ADAMTSL1: variants seen among roughly 807,000 people sequenced by gnomAD.
ADAMTSL1 encodes ADAMTS like 1, also known as ADAMTS-like protein 1.
A neutral mutation model predicts 201.8 loss-of-function variants in ADAMTSL1; 126 were observed. The ratio of observed to expected loss-of-function variants is 0.62; its 90% CI spans 0.54 to 0.72. The LOEUF is 0.72. Among genes scored for constraint, ADAMTSL1 ranks in the 30% least tolerant of loss-of-function variants. The pLI is 0.00. For missense variants in ADAMTSL1, 2,679 were observed against 2,277.8 expected, an observed-to-expected ratio of 1.18 and a Z score of -3.59; for synonymous variants, 1,121 against 903.4, an observed-to-expected ratio of 1.24 and a Z score of -4.32.
In ADAMTSL1 at chr9:18,723,152, T is replaced by C. The variant is rs1817650422; in HGVS notation, c.2006+1487T>C. The C allele has an allele frequency of 4.1e-6, 3 of 728,620 alleles. No homozygotes were observed. The South Asian group carries it at 4.4e-5, about 11-fold the overall frequency. The allele number at this position is 728,620 out of a possible 1,614,324, so 45.1% of individuals were successfully genotyped here. A position where few individuals can be genotyped will look rare whatever the true frequency, so the allele number is the denominator to read the frequency against. On this transcript the variant is annotated intron_variant, in intron 15 of 28. Coordinates refer to ENST00000380548, the MANE Select transcript of ADAMTSL1 (RefSeq NM_001040272.6). Reference sequence around the variant, plus strand: ...TGTCTGCCCTTTATGTTTCCACATCTGCAAAGTGAACTGGTTGTACCTGAT... The same window carrying C: ...TGTCTGCCCTTTATGTTTCCACATCCGCAAAGTGAACTGGTTGTACCTGAT...
chr9:18,295,962 A>C (rs76905774), intron 2 of ADAMTSL1, among the ~76,000 whole-genome samples: 5,978 of 152,310 alleles, frequency 0.039, 240 homozygotes, highest in African/African-American at 0.1. Context: ...AGTATTACTA[A>C]TATAACCTAG....
At chr9:18,624,086 G>A (rs1826205415) in intron 5 of ADAMTSL1, among the ~76,000 whole-genome samples, 1 of 152,116 alleles carries the variant, frequency 6.6e-6, no homozygotes, top group African/African-American at 2.4e-5. Flanking sequence ...AACAAAGAAT[G>A]GGGACTTACA....
intron 13 of ADAMTSL1, among the ~76,000 whole-genome samples, chr9:18,706,004 T>A (rs1450199975): frequency 1.3e-5 from 2 of 152,158 alleles, no homozygotes; most frequent in Non-Finnish European, 1.5e-5. Flanking sequence ...ACGAGCAAAG[T>A]GAAAGCAAGT....
chr9:18,307,785 A>G (rs1209522392), intron 2 of ADAMTSL1, among the ~76,000 whole-genome samples: 1 of 152,160 alleles, frequency 6.6e-6, no homozygotes, highest in Non-Finnish European at 1.5e-5. Context: ...ACACAGATCA[A>G]TGAGACAGAA....
At chr9:18,202,649 G>T (rs1189991091) in intron 2 of ADAMTSL1, among the ~76,000 whole-genome samples, 1 of 152,124 alleles carries the variant, frequency 6.6e-6, no homozygotes, top group Non-Finnish European at 1.5e-5. Context: ...CTATGCATCC[G>T]TTGCACCCTG....
intron 3 of ADAMTSL1, among the ~76,000 whole-genome samples, chr9:18,572,143 C>A (rs569736834): frequency 1.3e-5 from 2 of 150,496 alleles, no homozygotes; most frequent in East Asian, 3.9e-4. Flanking sequence ...TGCAGTGAGC[C>A]GAGATCACGC....
chr9:18,124,655 C>T (rs867491719), intron 1 of ADAMTSL1, among the ~76,000 whole-genome samples: 7 of 151,968 alleles, frequency 4.6e-5, no homozygotes, highest in Middle Eastern at 3.4e-3. Context: ...CATATTTGAA[C>T]AGGTGTTTTT....
chr9:18,660,029 A>G (rs770870362), intron 8 of ADAMTSL1, among the ~76,000 whole-genome samples: 2 of 152,184 alleles, frequency 1.3e-5, no homozygotes, highest in Non-Finnish European at 2.9e-5. Flanking sequence ...CGTTCATTAC[A>G]TAATAGGGAC....
At chr9:18,655,335 G>T (rs1028861987) in intron 7 of ADAMTSL1, among the ~76,000 whole-genome samples, 2 of 152,096 alleles carry the variant, frequency 1.3e-5, no homozygotes, top group African/African-American at 4.8e-5. Context: ...TGTCTTTTCA[G>T]GTTAGTGTGA....
chr9:17,950,919 C>A (rs1478795362), intron 1 of ADAMTSL1, among the ~76,000 whole-genome samples: 2 of 151,934 alleles, frequency 1.3e-5, no homozygotes, highest in South Asian at 2.1e-4. Context: ...TAGGCTTGAC[C>A]CAGGGTCAAG....
chr9:18,777,701 C>A lies in ADAMTSL1; in HGVS notation c.3472C>A (p.Arg1158=), dbSNP rs374811326. Residue 1158 remains arginine (R), a synonymous_variant, in exon 19 of 29, where the codon CGA becomes AGA. Coordinates refer to ENST00000380548, the MANE Select transcript of ADAMTSL1 (RefSeq NM_001040272.6). ...SSTGDAGGGS[R]RPHRKPTILR... ...CACCGGGGACGCCGGGGGAGGCTCT[C>A]GAAGGCCACACCGCAAGCCCACCAT... is the stretch of plus-strand genomic sequence containing the variant. The A allele has an allele frequency of 6.2e-7, 1 of 1,613,314 alleles. No homozygotes were observed. The highest frequency in any genetic ancestry group is 8.5e-7 in the Non-Finnish European group (1 of 1,179,660).
chr9:18,391,366 A>G (rs894693780), intron 2 of ADAMTSL1, among the ~76,000 whole-genome samples: 5 of 152,214 alleles, frequency 3.3e-5, no homozygotes, highest in African/African-American at 1.2e-4. Context: ...TCATAAAATT[A>G]TATCTTTTAT....
At chr9:18,304,000 A>C (rs1242931498) in intron 2 of ADAMTSL1, among the ~76,000 whole-genome samples, 3 of 152,068 alleles carry the variant, frequency 2.0e-5, no homozygotes, top group African/African-American at 7.2e-5. Flanking sequence ...CGACAGTTAC[A>C]CTGCTCTGCA....
intron 20 of ADAMTSL1, among the ~76,000 whole-genome samples, chr9:18,806,799 G>T (rs1823151502): frequency 1.3e-5 from 2 of 152,160 alleles, no homozygotes; most frequent in Admixed American, 6.5e-5. Context: ...TCATCCTTCA[G>T]GATCAAAATG....
rs142351770 is a variant in ADAMTSL1 at position 18,551,707 on chromosome 9, G to A, written c.237+18415G>A. ...TCAGTCTCCTCATTTGCAAAATGAG[G>A]CACATAGGGTCGTCGTGAGGATTTC... On this transcript the variant is annotated intron_variant, in intron 3 of 28. Transcript: ENST00000380548. Among the ~76,000 whole-genome samples, 734 of 151,886 alleles carry A rather than the reference G, an allele frequency of 4.8e-3. 3 individuals are homozygous for A. Among genetic ancestry groups the A allele is most frequent in the Non-Finnish European group, 6.3e-3 (428 of 67,856 alleles).
chr9:18,082,615 C>T (rs1823555975), intron 1 of ADAMTSL1, among the ~76,000 whole-genome samples: 1 of 152,176 alleles, frequency 6.6e-6, no homozygotes, highest in Non-Finnish European at 1.5e-5. Context: ...CTCCCCAGAC[C>T]AGATGGCTCC....
At chr9:18,754,918 G>A (rs1013813447) in intron 16 of ADAMTSL1, among the ~76,000 whole-genome samples, 7 of 152,038 alleles carry the variant, frequency 4.6e-5, no homozygotes, top group African/African-American at 1.7e-4. Flanking sequence ...GTATATTATC[G>A]CTCACCAAGC....
intron 1 of ADAMTSL1, among the ~76,000 whole-genome samples, chr9:18,163,020 G>C (rs1222276169): frequency 2.6e-5 from 4 of 152,002 alleles, no homozygotes; most frequent in Non-Finnish European, 5.9e-5. Flanking sequence ...AGTAAACTGA[G>C]GCATAGAGAG....
chr9:18,185,957 G>T lies in ADAMTSL1; in HGVS notation c.207+21976G>T, dbSNP rs1390971609. ...AAAATTTACTCTAGGATTAAATGAA[G>T]GCATCATAAAATAAGTATTTATGGT... On this transcript the variant is annotated intron_variant, in intron 2 of 29. Transcript: ENST00000680146. Among the ~76,000 whole-genome samples, 3 of 152,134 alleles carry T rather than the reference G, an allele frequency of 2.0e-5. No homozygotes were observed. The South Asian group carries it at 6.2e-4, about 32-fold the overall frequency.
Sources: gnomAD v4.1 joint callset for allele counts (sites outside exome capture counted in the v4.1 genomes callset) on GRCh38, gnomAD v4.1.1 for gene constraint, MANE v1.5 for transcripts, NCBI Gene and HGNC (gene_info 2026-07-23, HGNC 2026-07-21) for gene names.